AJAP1: variants seen among roughly 807,000 people sequenced by gnomAD.
AJAP1 encodes the protein adherens junctions associated protein 1.
Under a neutral mutation model 35.0 loss-of-function variants are expected in AJAP1, and 5 were observed. The ratio of observed to expected loss-of-function variants is 0.14; its 90% CI spans 0.07 to 0.30. The LOEUF (loss-of-function observed/expected upper bound fraction) is 0.30. Among genes scored for constraint, AJAP1 ranks in the 10% least tolerant of loss-of-function variants. The probability of loss-of-function intolerance (pLI) is 1.00; values close to 1 mark genes in which losing one functional copy is unlikely to be tolerated. For missense variants in AJAP1, 586 were observed against 571.0 expected, an observed-to-expected ratio of 1.03 and a Z score of -0.27; for synonymous variants, 284 against 249.3, an observed-to-expected ratio of 1.14 and a Z score of -1.31.
At chr1:4,698,266 A>G (rs1035065822) in intron 1 of AJAP1, among the ~76,000 whole-genome samples, 1 of 152,026 alleles carries the variant, frequency 6.6e-6, no homozygotes, top group Non-Finnish European at 1.5e-5. Flanking sequence ...TGTTGCCCCC[A>G]CGCCGCTGTC....
At chr1:4,748,776 A>G (rs1641255128) in intron 2 of AJAP1, among the ~76,000 whole-genome samples, 1 of 145,318 alleles carries the variant, frequency 6.9e-6, no homozygotes, top group South Asian at 2.2e-4. Flanking sequence ...AAAAAAAAAG[A>G]ATGGAACCAG....
chr1:4,743,929 AGCTCTCCAG>A (rs141403753), intron 2 of AJAP1, among the ~76,000 whole-genome samples: 97,336 of 151,164 alleles, frequency 0.64, 32,199 homozygotes, highest in Non-Finnish European at 0.68. Flanking sequence ...TCACTGAGAG[AGCTCTCCAG>A]GCTCTCCAGG....
intron 2 of AJAP1, among the ~76,000 whole-genome samples, chr1:4,740,959 T>C (rs1641054904): frequency 6.6e-6 from 1 of 151,840 alleles, no homozygotes. Context: ...CACGAAGACT[T>C]GGGGCCAAGG....
intron 1 of AJAP1, among the ~76,000 whole-genome samples, chr1:4,697,171 A>G (rs546370057): frequency 6.6e-6 from 1 of 152,226 alleles, no homozygotes; most frequent in South Asian, 2.1e-4. Context: ...TGACTGTATT[A>G]GTTTGTATGT....
At chr1:4,756,297 G>A (rs907328463) in intron 2 of AJAP1, among the ~76,000 whole-genome samples, 9 of 152,218 alleles carry the variant, frequency 5.9e-5, no homozygotes, top group Non-Finnish European at 1.5e-5. Flanking sequence ...GGCTGCAGGA[G>A]TGAAATGACT....
At chr1:4,737,490 C>T (rs1293984034) in intron 2 of AJAP1, among the ~76,000 whole-genome samples, 3 of 151,902 alleles carry the variant, frequency 2.0e-5, no homozygotes, top group South Asian at 2.1e-4. Flanking sequence ...GGAGCCCCCC[C>T]GAGACGGAAG....
chr1:4,687,235 A>G (rs957590988), intron 1 of AJAP1, among the ~76,000 whole-genome samples: 5 of 152,220 alleles, frequency 3.3e-5, no homozygotes, highest in African/African-American at 1.2e-4. Flanking sequence ...CTCGAAAGCC[A>G]CCATGGGCAC....
Position 4,707,614 on chromosome 1 carries a change from C to A in AJAP1, c.30-4286C>A, listed in dbSNP as rs115881714. 7.7e-4 allele frequency among the ~76,000 whole-genome samples: 117 copies of A among 152,220 alleles called. 1 individual carries two copies. Among genetic ancestry groups the A allele is most frequent in the African/African-American group, 2.6e-3 (107 of 41,530 alleles). On this transcript the variant is annotated intron_variant, in intron 1 of 5. Coordinates refer to ENST00000378191, the MANE Select transcript of AJAP1 (RefSeq NM_018836.4). ...TCCTGCCTTCCTTTTAAAGGCTGAA[C>A]GATACTCCATTGTAACATTATGCCA...
At chr1:4,751,112 G>T (rs763492491) in intron 2 of AJAP1, among the ~76,000 whole-genome samples, 34 of 152,008 alleles carry the variant, frequency 2.2e-4, no homozygotes, top group Non-Finnish European at 4.3e-4. Flanking sequence ...CGCTCCCCTG[G>T]CTGCCTTGGG....
At chr1:4,712,768 T>G (rs1267497749) in intron 2 of AJAP1, 69 bp downstream of exon 2, 1 of 1,428,780 alleles carries the variant, frequency 7.0e-7, no homozygotes, top group Non-Finnish European at 9.3e-7. Context: ...TCGGGAGAGA[T>G]GCTTAGATGT....
intron 2 of AJAP1, among the ~76,000 whole-genome samples, chr1:4,716,672 TAATGGTGGA>T (rs2100274858): frequency 1.3e-5 from 2 of 151,190 alleles, no homozygotes; most frequent in Non-Finnish European, 2.9e-5. Context: ...ATAATGATGG[TAATGGTGGA>T]AATGGTGGTG....
At chr1:4,757,150 G>A (rs888305684) in intron 2 of AJAP1, among the ~76,000 whole-genome samples, 1 of 152,222 alleles carries the variant, frequency 6.6e-6, no homozygotes, top group Non-Finnish European at 1.5e-5. Flanking sequence ...GTCAGTGGAG[G>A]CCGCCTCACT....
chr1:4,785,108 C>G lies in AJAP1; in HGVS notation c.*2623C>G, dbSNP rs1212942329. The G allele has an allele frequency of 6.6e-6, 1 of 152,356 alleles. No individual in the cohort carries two copies. The highest frequency in any genetic ancestry group is 1.5e-5 in the Non-Finnish European group (1 of 68,156). The allele number at this position is 152,356 out of a possible 1,614,324, so 9.4% of individuals were successfully genotyped here. On this transcript the variant is annotated 3_prime_UTR_variant, in exon 6 of 6. Transcript: ENST00000378191. Reference sequence around the variant, plus strand: ...ACTCCTGGTATCTGCTCTGTCAACTCCCAGCTGCTCAGCCCCCTTCTCTGA... The same window carrying G: ...ACTCCTGGTATCTGCTCTGTCAACTGCCAGCTGCTCAGCCCCCTTCTCTGA...
chr1:4,664,898 G>A lies in AJAP1; in HGVS notation c.29+9444G>A, dbSNP rs532396081. Among the ~76,000 whole-genome samples the A allele has an allele frequency of 1.1e-4, 16 of 152,194 alleles. No individual in the cohort carries two copies. In the East Asian group the frequency reaches 2.3e-3, roughly 22 times the overall value. On this transcript the variant is annotated intron_variant, in intron 1 of 5. Coordinates refer to ENST00000378191, the MANE Select transcript of AJAP1 (RefSeq NM_018836.4). ...GTAGACTTCCTAGGCATGCAGCTAC[G>A]ATATATATAAAAGATTCAGTTACTA...
At position 4,772,447 on chromosome 1, in the gene AJAP1, G is replaced by A. The variant is rs1641857327; in HGVS notation, c.1085G>A (p.Arg362Lys). 1 of 1,614,240 alleles carries A rather than the reference G, an allele frequency of 6.2e-7. No homozygotes were observed. The highest frequency in any genetic ancestry group is 8.5e-7 in the Non-Finnish European group (1 of 1,180,052). Residue 362 changes from arginine to lysine, a missense_variant, in exon 4 of 6, where the codon AGG becomes AAG. Arg to Lys is a conservative substitution (Grantham distance 26). Transcript: ENST00000378191. Reference sequence around the variant, plus strand: ...CTGCAGTGTTCTCACGAGTGCGTCAGGGCATCTGTGCCCGTGTACACCGAT... The same window carrying A: ...CTGCAGTGTTCTCACGAGTGCGTCAAGGCATCTGTGCCCGTGTACACCGAT... Reference protein sequence around the residue: ...ETLQCSHECVRASVPVYTDET... With the variant: ...ETLQCSHECVKASVPVYTDET...
Position 4,655,348 on chromosome 1 carries a change from C to T in AJAP1, c.-78C>T. On this transcript the variant is annotated 5_prime_UTR_variant, in exon 1 of 6. It adds an upstream start codon to the 5' untranslated region. Coordinates refer to ENST00000378191, the MANE Select transcript of AJAP1 (RefSeq NM_018836.4). The surrounding 1 kb of genome is among the most constrained non-coding windows in gnomAD (Gnocchi z 6.9). ...AGAGCCGGAGACCGGCGCCGCGGGA[C>T]GGAAGCGAGCGGGCGCGGGCGCCGC... 1 of 1,391,350 alleles carries T rather than the reference C, an allele frequency of 7.2e-7. No homozygotes were observed. Among genetic ancestry groups the T allele is most frequent in the Admixed American group, 2.3e-5 (1 of 43,150 alleles). 86.2% of individuals were successfully genotyped at this position (1,391,350 alleles called of 1,614,324 possible).
At chr1:4,673,786 C>T (rs1244934572) in intron 1 of AJAP1, among the ~76,000 whole-genome samples, 1 of 151,970 alleles carries the variant, frequency 6.6e-6, no homozygotes, top group Non-Finnish European at 1.5e-5. Context: ...TCATTCTCAG[C>T]GTTTTAGATG....
intron 1 of AJAP1, among the ~76,000 whole-genome samples, chr1:4,688,397 T>C (rs532616556): frequency 6.4e-4 from 97 of 152,282 alleles, no homozygotes; most frequent in African/African-American, 2.0e-3. Context: ...CACGGTCTTA[T>C]GTAGTGAAAA....
rs1418823195 is a variant in AJAP1, at chr1:4,654,706, C to A, written c.-720C>A. ...CCCCGGGATCCCCGCGCGCCTCCTC[C>A]GCGCGGCGCCGCCGCCGCGCGTCCC... On this transcript the variant is annotated 5_prime_UTR_variant, in exon 1 of 6. Transcript: ENST00000378191. The surrounding 1 kb of genome is among the most constrained non-coding windows in gnomAD (Gnocchi z 5.1). 6.8e-6 allele frequency: 1 copy of A among 146,332 alleles called. No homozygotes were observed. Among genetic ancestry groups the A allele is most frequent in the Non-Finnish European group, 1.5e-5 (1 of 65,890 alleles). 9.1% of individuals were successfully genotyped at this position (146,332 alleles called of 1,614,324 possible).
Sources: gnomAD v4.1 joint callset for allele counts (sites outside exome capture counted in the v4.1 genomes callset) on GRCh38, gnomAD v4.1.1 for gene constraint, Gnocchi (gnomAD v3.1) non-coding constraint, MANE v1.5 for transcripts, NCBI Gene and HGNC (gene_info 2026-07-23, HGNC 2026-07-21) for gene names.